The following TUSC3 variants were observed in gnomAD, a reference collection of about 807,000 sequenced individuals.
The protein encoded by TUSC3 is tumor suppressor candidate 3, also known as dolichyl-diphosphooligosaccharide--protein glycosyltransferase subunit TUSC3.
In TUSC3, 45 loss-of-function variants were observed where a neutral mutation model predicts 44.8. That is an observed-to-expected ratio of 1.00 (90% CI 0.79 to 1.29). The LOEUF is 1.29. Ranked by LOEUF, TUSC3 falls within the 50% of genes most tolerant of loss-of-function variation. The pLI, the probability that TUSC3 is intolerant of heterozygous loss-of-function variation, is 0.00. For missense variants in TUSC3, 519 were observed against 437.9 expected (o/e 1.19, Z -1.65); for synonymous variants, 212 against 152.9 (o/e 1.39, Z -2.85).
At chr8:15,743,708 T>G in intron 8 of TUSC3, 96 bp downstream of exon 8, 1 of 1,314,336 alleles carries the variant, frequency 7.6e-7, no homozygotes, top group Non-Finnish European at 1.1e-6. Context: ...GTAAACAAAC[T>G]TCTAAAGAAA....
At chr8:15,745,921 C>A (rs761255985) in intron 8 of TUSC3, among the ~76,000 whole-genome samples, 56 of 151,970 alleles carry the variant, frequency 3.7e-4, no homozygotes, top group Non-Finnish European at 5.7e-4. Flanking sequence ...TTAGGTGTTA[C>A]ATTTACTTTT....
At chr8:15,531,913 A>C (rs1056543671) in intron 2 of TUSC3, among the ~76,000 whole-genome samples, 1 of 152,198 alleles carries the variant, frequency 6.6e-6, no homozygotes, top group African/African-American at 2.4e-5. Context: ...TCAAAGAAAA[A>C]GGAAAGAAAC....
chr8:15,485,914 C>A (rs775415594), intron 2 of TUSC3, among the ~76,000 whole-genome samples: 1 of 152,080 alleles, frequency 6.6e-6, no homozygotes, highest in Non-Finnish European at 1.5e-5. Context: ...CCTCAGCCTC[C>A]TGAGCAGCTG....
At chr8:15,831,511 G>A in the TUSC3 span, among the ~76,000 whole-genome samples, 1 of 152,086 alleles carries the variant, frequency 6.6e-6, no homozygotes, top group African/African-American at 2.4e-5. Flanking sequence ...TCGTTGAGAT[G>A]CAGGAGTACA....
the TUSC3 span, chr8:15,806,456 T>A: frequency 1.2e-6 from 1 of 830,820 alleles, no homozygotes; most frequent in South Asian, 1.3e-5. Flanking sequence ...CATGTTGTCT[T>A]GACTTCCCTT....
intron 1 of TUSC3, among the ~76,000 whole-genome samples, chr8:15,560,332 C>T (rs867103624): frequency 1.6e-4 from 22 of 139,290 alleles, no homozygotes; most frequent in African/African-American, 4.7e-4. Flanking sequence ...AATATTGGCC[C>T]CCACTCTCTT....
intron 1 of TUSC3, among the ~76,000 whole-genome samples, chr8:15,602,529 G>C (rs1031529980): frequency 1.3e-5 from 2 of 151,586 alleles, no homozygotes; most frequent in Admixed American, 6.6e-5. Flanking sequence ...GCAGAGCTGT[G>C]AGGTAAGTAA....
chr8:15,548,894 T>G (rs1188044010), intron 1 of TUSC3, among the ~76,000 whole-genome samples: 1 of 151,784 alleles, frequency 6.6e-6, no homozygotes, highest in Non-Finnish European at 1.5e-5. Context: ...CCCTGATCCT[T>G]GAATCTCAGT....
intron 4 of TUSC3, among the ~76,000 whole-genome samples, chr8:15,661,868 G>A (rs1383489769): frequency 6.6e-6 from 1 of 151,864 alleles, no homozygotes; most frequent in Non-Finnish European, 1.5e-5. Flanking sequence ...AATGGGCAAA[G>A]GATCTGAATG....
At chr8:15,463,028 C>T (rs1563257772) in intron 1 of TUSC3, among the ~76,000 whole-genome samples, 1 of 151,956 alleles carries the variant, frequency 6.6e-6, no homozygotes, top group African/African-American at 2.4e-5. Context: ...TGTTTCTCCT[C>T]CTCCTCATCT....
At chr8:15,834,584 T>C in the TUSC3 span, among the ~76,000 whole-genome samples, 3 of 152,212 alleles carry the variant, frequency 2.0e-5, no homozygotes, top group African/African-American at 4.8e-5. Flanking sequence ...TTTTATTATA[T>C]GCCTTTTTAG....
intron 1 of TUSC3, among the ~76,000 whole-genome samples, chr8:15,589,686 G>GA (rs1388082237): frequency 1.3e-5 from 2 of 150,414 alleles, no homozygotes; most frequent in Non-Finnish European, 3.0e-5. Context: ...ACAGTATAAA[G>GA]AAAAAAATGC....
In TUSC3 at chr8:15,710,098, C is replaced by A. The variant is rs146453095; in HGVS notation, c.799-20568C>A. Among the ~76,000 whole-genome samples the A allele has an allele frequency of 3.0e-3, 456 of 151,858 alleles. 2 individuals carry two copies. The highest frequency in any genetic ancestry group is 0.011 in the African/African-American group (444 of 41,484). On this transcript the variant is annotated intron_variant, in intron 6 of 10. Coordinates refer to ENST00000503731, the MANE Select transcript of TUSC3 (RefSeq NM_006765.4). ...TTACCTTAGTGCGCTCCCCTCCCTG[C>A]CCTTTTCGGAGTCCTACCTCCTTTT...
intron 1 of TUSC3, among the ~76,000 whole-genome samples, chr8:15,435,950 G>C (rs573844719): frequency 6.6e-6 from 1 of 152,262 alleles, no homozygotes; most frequent in African/African-American, 2.4e-5. Context: ...GAGAAGCTTT[G>C]TCTGGGGAGT....
At chr8:15,640,739 CT>C (rs1340079864) in intron 2 of TUSC3, among the ~76,000 whole-genome samples, 2 of 152,100 alleles carry the variant, frequency 1.3e-5, no homozygotes, top group East Asian at 3.9e-4. Flanking sequence ...TGAATGGTCA[CT>C]GTGTATAAAT....
intron 1 of TUSC3, among the ~76,000 whole-genome samples, chr8:15,575,351 A>G (rs1253182075): frequency 6.6e-6 from 1 of 152,180 alleles, no homozygotes; most frequent in East Asian, 1.9e-4. Flanking sequence ...ATTCAAATAT[A>G]TTTTTCAAGT....
chr8:15,485,786 T>TTTTG (rs138212805), intron 2 of TUSC3, among the ~76,000 whole-genome samples: 16,569 of 151,754 alleles, frequency 0.11, 999 homozygotes, highest in South Asian at 0.23. Flanking sequence ...AGTTTGAGTT[T>TTTTG]TTTGTTTGTT....
chr8:15,663,569 G>C (rs747074494), intron 5 of TUSC3, among the ~76,000 whole-genome samples: 2 of 151,868 alleles, frequency 1.3e-5, no homozygotes, highest in East Asian at 1.9e-4. Flanking sequence ...TAGAAATTCA[G>C]ACAGAACCTC....
At chr8:15,539,084 C>G (rs888891881), upstream of TUSC3, among the ~76,000 whole-genome samples, 9 of 151,824 alleles carry the variant, frequency 5.9e-5, no homozygotes, top group East Asian at 1.6e-3. Flanking sequence ...AACTCTTGGA[C>G]ACAAGCCTCC....
Sources: allele counts gnomAD v4.1 joint callset (sites outside exome capture counted in the v4.1 genomes callset), GRCh38; gene constraint gnomAD v4.1.1; transcripts MANE v1.5; gene names NCBI Gene and HGNC (gene_info 2026-07-23, HGNC 2026-07-21).